Variants in SLC18A1 observed in about 807,000 individuals in gnomAD.
SLC18A1 encodes solute carrier family 18 member A1, also known as chromaffin granule amine transporter.
In SLC18A1, 69 loss-of-function variants were observed where a neutral mutation model predicts 53.7. That is an observed-to-expected ratio of 1.28 (90% CI 1.06 to 1.57). The LOEUF (loss-of-function observed/expected upper bound fraction) is 1.57, where lower values mean the gene tolerates loss of function less well. Ranked by LOEUF, SLC18A1 falls within the 40% of genes most tolerant of loss-of-function variation. SLC18A1 has a pLI of 0.00. For synonymous variants in SLC18A1, 320 were observed against 248.1 expected (o/e 1.29, Z -2.72); for missense variants, 932 against 668.1 (o/e 1.40, Z -4.35).
chr8:20,147,953 A>C, intron 13 of SLC18A1, 54 bp downstream of exon 13: 1 of 1,583,322 alleles, frequency 6.3e-7, no homozygotes, highest in Non-Finnish European at 8.7e-7. Flanking sequence ...GAAAGGCATC[A>C]GACCCAAAGC....
At chr8:20,171,306 T>C in intron 7 of SLC18A1, 99 bp downstream of exon 7, 1 of 1,330,856 alleles carries the variant, frequency 7.5e-7, no homozygotes, top group Non-Finnish European at 1.1e-6. Context: ...TCAAAACATG[T>C]CCAAACCGCC....
intron 6 of SLC18A1, 116 bp downstream of exon 6, chr8:20,172,920 T>A: frequency 1.4e-6 from 1 of 724,716 alleles, no homozygotes; most frequent in South Asian, 1.6e-5. Context: ...TCTAAAGGAG[T>A]TGAAATAGGA....
In SLC18A1 at chr8:20,145,822, G is replaced by A; in HGVS notation, c.1519C>T (p.Pro507Ser). The change falls in exon 16 of 16, where the codon CCC (proline) becomes TCC (serine). Residue 507 changes from proline (P) to serine (S), a missense_variant. Pro to Ser is a moderately conservative substitution (Grantham distance 74, BLOSUM62 -1). Coordinates refer to ENST00000276373, the MANE Select transcript of SLC18A1 (RefSeq NM_003053.4). ...TCCCCCAGAGGAAATTCCTTCGTGG[G>A]CTTCTGGGTTGCATACATCCGGGTC... Reference protein sequence around the residue: ...METRMYATQKPTKEFPLGEDS... With the variant: ...METRMYATQKSTKEFPLGEDS... 6.2e-7 allele frequency: 1 copy of A among 1,612,252 alleles called. No homozygotes were observed. Among genetic ancestry groups the A allele is most frequent in the Non-Finnish European group, 8.5e-7 (1 of 1,179,170 alleles).
chr8:20,178,976 G>T, intron 3 of SLC18A1, 145 bp downstream of exon 3: 1 of 922,616 alleles, frequency 1.1e-6, no homozygotes, highest in Non-Finnish European at 1.6e-6. Flanking sequence ...GTTATTCTTT[G>T]AGTAACGAGC....
chr8:20,169,147 T>A (rs763236677), intron 8 of SLC18A1, among the ~76,000 whole-genome samples: 2 of 151,682 alleles, frequency 1.3e-5, no homozygotes, highest in Non-Finnish European at 2.9e-5. Flanking sequence ...GACATGAAAC[T>A]CAGAAGGCTA....
chr8:20,171,425 A>G lies in SLC18A1; in HGVS notation c.794T>C (p.Phe265Ser). The change falls in exon 7 of 16, where the codon TTC becomes TCC. Residue 265 changes from phenylalanine to serine, a missense_variant. Physicochemically the swap from Phe to Ser is radical, Grantham distance 155. Transcript: ENST00000276373. ...GKSAPFLILA[F>S]LALLDGALQL... ...CTTACCTCCATCCAGTAGTGCCAGG[A>G]AGGCCAGGATGAGGAAGGGTGCAGA... 1.2e-6 allele frequency: 2 copies of G among 1,613,952 alleles called. No individual in the cohort carries two copies. The highest frequency in any genetic ancestry group is 1.7e-6 in the Non-Finnish European group (2 of 1,179,866).
At chr8:20,171,681 AGTGT>A (rs111983026) in intron 6 of SLC18A1, among the ~76,000 whole-genome samples, 187 bp from the exon 7 acceptor site, 16 of 147,102 alleles carry the variant, frequency 1.1e-4, no homozygotes, top group South Asian at 1.1e-3. Context: ...TAGTGGAGGA[AGTGT>A]GTGTGTGTGT....
intron 13 of SLC18A1, 116 bp from the exon 14 acceptor site, chr8:20,147,838 CCTG>C: frequency 6.7e-7 from 1 of 1,498,300 alleles, no homozygotes; most frequent in Non-Finnish European, 9.0e-7. Flanking sequence ...CGGACTAACA[CCTG>C]TTCCAGGTGG....
chr8:20,149,578 C>A, intron 12 of SLC18A1, 98 bp downstream of exon 12: 1 of 994,062 alleles, frequency 1.0e-6, no homozygotes. Flanking sequence ...GTCTTTCTCT[C>A]TCTCTCTCTC....
At chr8:20,159,047 C>G (rs1183826832) in intron 10 of SLC18A1, among the ~76,000 whole-genome samples, 1 of 152,142 alleles carries the variant, frequency 6.6e-6, no homozygotes, top group African/African-American at 2.4e-5. Context: ...AAGTTTGTCT[C>G]TTCCAGAATT....
Position 20,158,769 on chromosome 8 carries a change from A to T in SLC18A1, c.1015+6100T>A, listed in dbSNP as rs144057998. Among the ~76,000 whole-genome samples, 343 of 152,040 alleles carry T rather than the reference A, an allele frequency of 2.3e-3. 1 individual carries two copies. The highest frequency in any genetic ancestry group is 7.7e-3 in the African/African-American group (319 of 41,460). ...ATACCAAGCTGTACCTAACCCTTAT[A>T]CTCTGCTTTCCCAAATACCAGAGGA... On this transcript the variant is annotated intron_variant, in intron 10 of 15. Coordinates refer to ENST00000276373, the MANE Select transcript of SLC18A1 (RefSeq NM_003053.4).
chr8:20,174,312 G>T, intron 5 of SLC18A1, 49 bp downstream of exon 5: 1 of 1,225,934 alleles, frequency 8.2e-7, no homozygotes, highest in Non-Finnish European at 1.2e-6. Context: ...AGAGATGTGT[G>T]TGTGTGCATG....
At chr8:20,182,056 G>C (rs1381878964) in intron 1 of SLC18A1, 2 of 152,162 alleles carry the variant, frequency 1.3e-5, no homozygotes, top group African/African-American at 4.8e-5. Flanking sequence ...CAAGTAATAA[G>C]AGTTTCTGGG....
intron 11 of SLC18A1, 119 bp downstream of exon 11, chr8:20,150,547 G>A (rs1032641057): frequency 3.3e-5 from 29 of 878,554 alleles, no homozygotes; most frequent in Non-Finnish European, 5.0e-5. Context: ...AGTTTTTATC[G>A]GTGTGTACTC....
chr8:20,173,570 C>G (rs953313729), intron 5 of SLC18A1, among the ~76,000 whole-genome samples: 1 of 152,160 alleles, frequency 6.6e-6, no homozygotes, highest in African/African-American at 2.4e-5. Context: ...TAGTGCTGTA[C>G]GGCAGCTGGA....
intron 6 of SLC18A1, 35 bp downstream of exon 6, chr8:20,173,001 C>G: frequency 1.6e-5 from 23 of 1,467,838 alleles, no homozygotes; most frequent in Non-Finnish European, 2.1e-5. Context: ...GAGTCCCACC[C>G]TCCCGAACCC....
intron 8 of SLC18A1, 23 bp from the exon 9 acceptor site, chr8:20,165,130 A>T: frequency 5.0e-6 from 8 of 1,607,698 alleles, no homozygotes; most frequent in Non-Finnish European, 6.8e-6. Context: ...ATAACAAAAA[A>T]TGTCCATTTG....
chr8:20,157,807 G>A (rs1041422671), intron 10 of SLC18A1, among the ~76,000 whole-genome samples: 5 of 152,134 alleles, frequency 3.3e-5, no homozygotes, highest in African/African-American at 7.2e-5. Context: ...TGGGACGAAC[G>A]GGAGAAAAAG....
intron 15 of SLC18A1, among the ~76,000 whole-genome samples, chr8:20,146,575 T>A (rs916443567): frequency 2.0e-5 from 3 of 152,048 alleles, no homozygotes; most frequent in African/African-American, 7.2e-5. Flanking sequence ...TTAAAGAAAA[T>A]CCTATGGTAT....
Sources: gnomAD v4.1 joint callset for allele counts (sites outside exome capture counted in the v4.1 genomes callset) on GRCh38, gnomAD v4.1.1 for gene constraint, MANE v1.5 for transcripts, NCBI Gene and HGNC (gene_info 2026-07-23, HGNC 2026-07-21) for gene names.